The following COL9A1 variants were observed in gnomAD, a reference collection of about 807,000 sequenced individuals.
COL9A1 encodes the protein collagen type IX alpha 1 chain, also known as collagen alpha-1(IX) chain.
A neutral mutation model predicts 142.6 loss-of-function variants in COL9A1; 104 were observed. The ratio of observed to expected loss-of-function variants is 0.73; its 90% CI spans 0.62 to 0.86. The LOEUF is 0.86. COL9A1 is among the 40% of genes least tolerant of loss of function. The pLI, the probability that COL9A1 is intolerant of heterozygous loss-of-function variation, is 0.00. For synonymous variants in COL9A1, 466 were observed against 396.0 expected (o/e 1.18, Z -2.10); for missense variants, 1,210 against 1,176.6 (o/e 1.03, Z -0.42).
chr6:70,274,739 T>A lies in COL9A1; in HGVS notation c.1009A>T (p.Ile337Phe). The stretch of plus-strand genomic sequence containing the variant: ...CTTACTTTTTGTCCCTTTGACCCAA[T>A]GGAGCCAGGGGATCCATCAGGTCCT... ...LTGPDGSPGS[I>F]GSKGQKGEPG... Residue 337 changes from isoleucine (I) to phenylalanine (F), a missense_variant, in exon 11 of 38, where the codon ATT (isoleucine) becomes TTT (phenylalanine). By Grantham distance (21) the Ile-to-Phe change is conservative (BLOSUM62 0). Coordinates refer to ENST00000357250, the MANE Select transcript of COL9A1 (RefSeq NM_001851.6). 1 of 1,612,710 alleles carries A rather than the reference T, an allele frequency of 6.2e-7. No individual in the cohort carries two copies. Among genetic ancestry groups the A allele is most frequent in the Non-Finnish European group, 8.5e-7 (1 of 1,178,844 alleles).
chr6:70,247,621 A>G (rs1318151160), intron 28 of COL9A1, among the ~76,000 whole-genome samples: 1 of 152,238 alleles, frequency 6.6e-6, no homozygotes, highest in Non-Finnish European at 1.5e-5. Flanking sequence ...TATGATTTCT[A>G]TAGATTGCTG....
intron 33 of COL9A1, among the ~76,000 whole-genome samples, chr6:70,235,896 C>T (rs372161291): frequency 5.3e-5 from 8 of 151,910 alleles, no homozygotes; most frequent in South Asian, 2.1e-4. Flanking sequence ...GGGCGGATCA[C>T]GAGGTCAGGA....
intron 19 of COL9A1, among the ~76,000 whole-genome samples, chr6:70,261,254 T>C (rs1261111170): frequency 6.6e-6 from 1 of 152,190 alleles, no homozygotes; most frequent in African/African-American, 2.4e-5. Context: ...GCATTCTGAA[T>C]TCCAACTCGG....
chr6:70,241,316 C>T, intron 31 of COL9A1, 103 bp downstream of exon 31: 1 of 952,298 alleles, frequency 1.1e-6, no homozygotes, highest in Non-Finnish European at 1.7e-6. Context: ...AACTGTTAGC[C>T]TTCATGGTTT....
At chr6:70,223,782 G>A (rs1286527130) in intron 37 of COL9A1, among the ~76,000 whole-genome samples, 2 of 152,230 alleles carry the variant, frequency 1.3e-5, no homozygotes, top group African/African-American at 4.8e-5. Flanking sequence ...ACTCAGATTT[G>A]TCACTAAATA....
intron 26 of COL9A1, among the ~76,000 whole-genome samples, chr6:70,252,899 T>C (rs1417970277): frequency 2.0e-5 from 3 of 152,194 alleles, no homozygotes; most frequent in Admixed American, 2.0e-4. Flanking sequence ...TCACCTTTTA[T>C]CTCTTTTCTT....
At position 70,301,471 on chromosome 6, in the gene COL9A1, G is replaced by A. The variant is rs3793076; in HGVS notation, c.88+530C>T. 1.9e-3 allele frequency among the ~76,000 whole-genome samples: 286 copies of A among 152,258 alleles called. 4 individuals are homozygous for A. The East Asian group carries it at 0.048, about 26-fold the overall frequency. ...ACATGCCTGTAGTCCCAGCTACTTCGGAGGCTGAGGCAGAAGAATCACTTG... is the reference window on the plus strand; with the variant it reads ...ACATGCCTGTAGTCCCAGCTACTTCAGAGGCTGAGGCAGAAGAATCACTTG... On this transcript the variant is annotated intron_variant, in intron 2 of 37. Coordinates refer to ENST00000357250, the MANE Select transcript of COL9A1 (RefSeq NM_001851.6).
chr6:70,267,879 A>AGTTTT (rs1382237117), intron 17 of COL9A1, among the ~76,000 whole-genome samples: 2 of 152,180 alleles, frequency 1.3e-5, no homozygotes, highest in African/African-American at 2.4e-5. Flanking sequence ...AACCCACCAA[A>AGTTTT]ACTACCCTTA....
Position 70,300,097 on chromosome 6 carries a change from G to A in COL9A1, c.245C>T (p.Thr82Ile), listed in dbSNP as rs1344180822. The change falls in exon 4 of 38, where the codon ACA (threonine) becomes ATA (isoleucine). Residue 82 changes from threonine to isoleucine, a missense_variant. Physicochemically the swap from Thr to Ile is moderately conservative, Grantham distance 89 (BLOSUM62 -1). Coordinates refer to ENST00000357250, the MANE Select transcript of COL9A1 (RefSeq NM_001851.6). ...TCCCAACTTGTAAGCCACCTGCAAT[G>A]TAGCTGATCCCACTACTCTCTGGAT... is the stretch of plus-strand genomic sequence containing the variant. The part of the protein sequence containing the change: ...RAIQRVVGSA[T>I]LQVAYKLGNN... The A allele has an allele frequency of 1.2e-6, 2 of 1,613,774 alleles. No homozygotes were observed. Among genetic ancestry groups the A allele is most frequent in the Non-Finnish European group, 1.7e-6 (2 of 1,179,884 alleles).
At chr6:70,241,135 G>A (rs1770230133) in intron 31 of COL9A1, among the ~76,000 whole-genome samples, 2 of 152,178 alleles carry the variant, frequency 1.3e-5, no homozygotes, top group Admixed American at 1.3e-4. Context: ...GGCTCCATTG[G>A]ATATGAATAA....
chr6:70,219,573 AC>A (rs1173132947), intron 37 of COL9A1, among the ~76,000 whole-genome samples: 3 of 152,176 alleles, frequency 2.0e-5, no homozygotes, highest in Non-Finnish European at 4.4e-5. Context: ...CCAGATGAAA[AC>A]GTAAAGTACA....
chr6:70,300,845 T>A (rs148256125), intron 2 of COL9A1, among the ~76,000 whole-genome samples: 298 of 152,318 alleles, frequency 2.0e-3, no homozygotes, highest in African/African-American at 6.9e-3. Flanking sequence ...ATTTTAGGAT[T>A]CCAGTGAGAT....
intron 21 of COL9A1, among the ~76,000 whole-genome samples, chr6:70,255,917 C>G (rs1207184688): frequency 6.6e-5 from 10 of 152,194 alleles, no homozygotes; most frequent in Admixed American, 6.5e-4. Context: ...ACTCTAAAAC[C>G]TCAAATGGCT....
intron 10 of COL9A1, 117 bp downstream of exon 10, chr6:70,280,695 C>A: frequency 2.1e-6 from 3 of 1,406,782 alleles, no homozygotes; most frequent in Non-Finnish European, 2.9e-6. Context: ...AAGTTTAGAG[C>A]CACAGCGCGT....
At chr6:70,249,658 T>C (rs1438199746) in intron 28 of COL9A1, among the ~76,000 whole-genome samples, 1 of 152,084 alleles carries the variant, frequency 6.6e-6, no homozygotes, top group Non-Finnish European at 1.5e-5. Context: ...ACAGGAGCAA[T>C]GGCAAGAATT....
chr6:70,260,744 AGTT>A, intron 19 of COL9A1, 34 bp from the exon 20 acceptor site: 1 of 1,608,092 alleles, frequency 6.2e-7, no homozygotes, highest in Non-Finnish European at 8.5e-7. Context: ...GAATTATTTT[AGTT>A]GAAGCAAAGA....
chr6:70,250,013 C>G (rs951643588), intron 28 of COL9A1, among the ~76,000 whole-genome samples: 1 of 152,162 alleles, frequency 6.6e-6, no homozygotes, highest in East Asian at 1.9e-4. Context: ...GTAATCCCAG[C>G]ACTTTGGGAG....
chr6:70,295,771 T>C (rs1198787375), intron 4 of COL9A1, among the ~76,000 whole-genome samples: 1 of 152,230 alleles, frequency 6.6e-6, no homozygotes, highest in Non-Finnish European at 1.5e-5. Context: ...AGCTGAAGAC[T>C]GAACTTTAAA....
chr6:70,276,880 G>A (rs762094723), intron 10 of COL9A1, among the ~76,000 whole-genome samples: 7 of 152,158 alleles, frequency 4.6e-5, no homozygotes, highest in East Asian at 1.9e-4. Flanking sequence ...TGTTCTAGAC[G>A]CTGTTCCTCA....
Sources: allele counts gnomAD v4.1 joint callset (sites outside exome capture counted in the v4.1 genomes callset), GRCh38; gene constraint gnomAD v4.1.1; transcripts MANE v1.5; gene names NCBI Gene and HGNC (gene_info 2026-07-23, HGNC 2026-07-21).